ACP3: variants seen among roughly 807,000 people sequenced by gnomAD.
The protein encoded by ACP3 is prostatic acid phosphatase.
In ACP3, 38 loss-of-function variants were observed where a neutral mutation model predicts 45.6. The observed-to-expected ratio is 0.83, with a 90% CI of 0.64 to 1.09. The LOEUF is 1.09. ACP3 is among the 50% of genes least tolerant of loss of function. The pLI is 0.00. For missense variants in ACP3, 466 were observed against 463.2 expected (o/e 1.01, Z -0.05); for synonymous variants, 162 against 164.7 (o/e 0.98, Z 0.13).
intron 1 of ACP3, among the ~76,000 whole-genome samples, chr3:132,327,396 C>T (rs71315646): frequency 1.3e-5 from 2 of 151,084 alleles, no homozygotes; most frequent in South Asian, 2.1e-4. Flanking sequence ...TGCCTGTAAT[C>T]CCAGCTTCTC....
At chr3:132,318,482 T>A (rs1937147784) in intron 1 of ACP3, among the ~76,000 whole-genome samples, 2 of 151,880 alleles carry the variant, frequency 1.3e-5, no homozygotes, top group Middle Eastern at 3.4e-3. Flanking sequence ...CACTGTTTCC[T>A]TAAAAATTAA....
At chr3:132,349,650 C>T (rs1231497869) in intron 7 of ACP3, among the ~76,000 whole-genome samples, 3 of 152,112 alleles carry the variant, frequency 2.0e-5, no homozygotes, top group African/African-American at 7.2e-5. Context: ...TCCAGCTTTC[C>T]TTACCTGGCT....
Position 132,332,330 on chromosome 3 carries a change from C to T in ACP3, c.442C>T (p.Leu148Phe), listed in dbSNP as rs1314554381. The change falls in exon 4 of 10, where the codon CTT becomes TTT. Residue 148 changes from leucine (L) to phenylalanine (F), a missense_variant. Leu to Phe is a conservative substitution (Grantham distance 22). Transcript: ENST00000336375. ...WQPIPVHTVPLSEDQLLYLPF... is the reference protein window; with the variant it reads ...WQPIPVHTVPFSEDQLLYLPF... ...GCCCATCCCGGTGCACACAGTTCCT[C>T]TTTCTGAAGATCAGGTCAGTATACT... 1.2e-6 allele frequency: 2 copies of T among 1,614,122 alleles called. No individual in the cohort carries two copies. Among genetic ancestry groups the T allele is most frequent in the Non-Finnish European group, 1.7e-6 (2 of 1,179,996 alleles).
chr3:132,352,604 T>G, intron 8 of ACP3, 116 bp from the exon 9 acceptor site: 3 of 716,664 alleles, frequency 4.2e-6, no homozygotes, highest in Non-Finnish European at 7.4e-6. Context: ...TATTAAGTCA[T>G]TGTGGGCGTA....
At position 132,357,196 on chromosome 3, in the gene ACP3, G is replaced by A; in HGVS notation, c.*318G>A. 1 of 1,020,566 alleles carries A rather than the reference G, an allele frequency of 9.8e-7. No individual in the cohort carries two copies. The highest frequency in any genetic ancestry group is 1.2e-6 in the Non-Finnish European group (1 of 852,824). 63.2% of individuals were successfully genotyped at this position (1,020,566 alleles called of 1,614,324 possible). On this transcript the variant is annotated 3_prime_UTR_variant, in exon 10 of 10. Coordinates refer to ENST00000336375, the MANE Select transcript of ACP3 (RefSeq NM_001099.5). ...ATGAACTATATGACTGGCCACACAG[G>A]ATCTTTTGTATTTAAGGATTCTGAG...
chr3:132,318,031 T>C (rs527664076), intron 1 of ACP3, among the ~76,000 whole-genome samples: 145 of 152,352 alleles, frequency 9.5e-4, no homozygotes, highest in Non-Finnish European at 1.1e-3. Flanking sequence ...CAACTATTTG[T>C]AAACAACCTT....
chr3:132,351,955 C>G (rs1937751408), intron 8 of ACP3, among the ~76,000 whole-genome samples: 1 of 152,176 alleles, frequency 6.6e-6, no homozygotes, highest in African/African-American at 2.4e-5. Context: ...TCCTATACTT[C>G]CTTGTATTTT....
chr3:132,320,632 A>G (rs1257268116), intron 1 of ACP3, among the ~76,000 whole-genome samples: 1 of 147,562 alleles, frequency 6.8e-6, no homozygotes, highest in Non-Finnish European at 1.5e-5. Context: ...ATTCTTAATC[A>G]AGTAATATAA....
chr3:132,351,341 G>C (rs1011425502), intron 8 of ACP3, among the ~76,000 whole-genome samples: 1 of 152,180 alleles, frequency 6.6e-6, no homozygotes, highest in Non-Finnish European at 1.5e-5. Context: ...CAGTGTTTGG[G>C]GAAAATTCTG....
intron 9 of ACP3, among the ~76,000 whole-genome samples, chr3:132,355,154 A>G (rs1291714926): frequency 2.0e-5 from 3 of 152,318 alleles, no homozygotes; most frequent in Non-Finnish European, 4.4e-5. Context: ...TGTAGAAAGG[A>G]ATGAAAGGGT....
downstream of ACP3, among the ~76,000 whole-genome samples, chr3:132,359,950 G>T (rs1179966502): frequency 2.0e-5 from 3 of 152,182 alleles, no homozygotes; most frequent in African/African-American, 7.2e-5. Flanking sequence ...CTCATAGAAA[G>T]TTTGTTAAGA....
At chr3:132,324,536 T>G (rs1428416822) in intron 1 of ACP3, among the ~76,000 whole-genome samples, 5 of 152,230 alleles carry the variant, frequency 3.3e-5, no homozygotes, top group African/African-American at 7.2e-5. Flanking sequence ...GCAGCAGTAG[T>G]GCCAACCTGT....
rs1937961389 is a variant in ACP3 at position 132,358,237 on chromosome 3, G to T, written c.*1359G>T. On this transcript the variant is annotated 3_prime_UTR_variant, in exon 10 of 10. Transcript: ENST00000336375. ...TGAGACACTGTCTCTACCAAAAAAA[G>T]GAAGGAAGGGACACATATCAAACTG... 4 of 1,115,620 alleles carry T rather than the reference G, an allele frequency of 3.6e-6. No individual in the cohort carries two copies. Among genetic ancestry groups the T allele is most frequent in the Non-Finnish European group, 4.4e-6 (4 of 901,138 alleles). The allele number at this position is 1,115,620 out of a possible 1,614,324, so 69.1% of individuals were successfully genotyped here.
chr3:132,331,671 C>T lies in ACP3; in HGVS notation c.241C>T (p.Leu81Phe). The change falls in exon 3 of 10, where the codon CTT becomes TTT. Residue 81 changes from leucine to phenylalanine, a missense_variant. Coordinates refer to ENST00000336375, the MANE Select transcript of ACP3 (RefSeq NM_001099.5). Reference sequence around the variant, plus strand: ...GCTGGGCATGGAGCAGCATTATGAACTTGGAGAGTATATAAGAAAGAGATA... The same window carrying T: ...GCTGGGCATGGAGCAGCATTATGAATTTGGAGAGTATATAAGAAAGAGATA... ...TQLGMEQHYELGEYIRKRYRK... is the reference protein window; with the variant it reads ...TQLGMEQHYEFGEYIRKRYRK... 8.1e-6 allele frequency: 13 copies of T among 1,604,362 alleles called. No individual in the cohort carries two copies. Among genetic ancestry groups the T allele is most frequent in the Non-Finnish European group, 1.1e-5 (13 of 1,177,646 alleles).
At chr3:132,344,331 A>C (rs1576420230) in intron 6 of ACP3, among the ~76,000 whole-genome samples, 1 of 151,398 alleles carries the variant, frequency 6.6e-6, no homozygotes, top group African/African-American at 2.4e-5. Context: ...CTATAGTCCC[A>C]ACTACTCAGG....
At chr3:132,338,633 T>C (rs1937520610) in intron 5 of ACP3, among the ~76,000 whole-genome samples, 1 of 152,212 alleles carries the variant, frequency 6.6e-6, no homozygotes, top group Admixed American at 6.5e-5. Context: ...AAATGCCCAT[T>C]TCTCCACAAC....
At chr3:132,368,012 G>A (rs1576433725) in exon 11 of ACP3, 3 of 548,454 alleles carry the variant, frequency 5.5e-6, no homozygotes, top group East Asian at 3.1e-5. Context: ...AGGCTACCTA[G>A]GTCTTCTCAT....
chr3:132,350,032 G>A (rs2290542), intron 8 of ACP3, 30 bp downstream of exon 8: 753,709 of 1,440,198 alleles, frequency 0.52, 204,113 homozygotes, highest in Middle Eastern at 0.58. Context: ...TTTAACATAT[G>A]TTTGTTCAAG....
chr3:132,342,472 A>G lies in ACP3; in HGVS notation c.556-80A>G, dbSNP rs1421112928. 22 of 1,020,864 alleles carry G rather than the reference A, an allele frequency of 2.2e-5. No individual in the cohort carries two copies. In the East Asian group the frequency reaches 5.3e-4, roughly 25 times the overall value. The allele number at this position is 1,020,864 out of a possible 1,614,324, so 63.2% of individuals were successfully genotyped here. ...CACAGGAGAGCTCCCTACAACAAAC[A>G]ATTGTCTGGCCCAAAATATCAATAA... On this transcript the variant is annotated intron_variant, in intron 5 of 9. Transcript: ENST00000336375.
Sources: allele counts gnomAD v4.1 joint callset (sites outside exome capture counted in the v4.1 genomes callset), GRCh38; gene constraint gnomAD v4.1.1; transcripts MANE v1.5; gene names NCBI Gene and HGNC (gene_info 2026-07-23, HGNC 2026-07-21).